RHOBTB2: variants seen among roughly 807,000 people sequenced by gnomAD.
The protein encoded by RHOBTB2 is rho-related BTB domain-containing protein 2.
In RHOBTB2, 39 loss-of-function variants were observed where a neutral mutation model predicts 66.5. That is an observed-to-expected ratio of 0.59 (90% CI 0.45 to 0.77). The LOEUF (loss-of-function observed/expected upper bound fraction) is 0.77, where lower values mean the gene tolerates loss of function less well. RHOBTB2 is among the 30% of genes least tolerant of loss of function. RHOBTB2 has a pLI of 0.00. For missense variants in RHOBTB2, 755 were observed against 999.1 expected (o/e 0.76, Z 3.29); for synonymous variants, 390 against 395.0 (o/e 0.99, Z 0.15).
chr8:22,951,221 C>A, the RHOBTB2 span, among the ~76,000 whole-genome samples: 1 of 150,664 alleles, frequency 6.6e-6, no homozygotes, highest in African/African-American at 2.4e-5. Flanking sequence ...TCCTTTTCCC[C>A]GTTTCCCACT....
chr8:22,959,327 A>G, the RHOBTB2 span, among the ~76,000 whole-genome samples: 1 of 152,056 alleles, frequency 6.6e-6, no homozygotes, highest in Non-Finnish European at 1.5e-5. Context: ...GCTTACTGCA[A>G]CCTCTGCCTC....
At chr8:22,994,292 T>C (rs1195341318) in intron 2 of RHOBTB2, among the ~76,000 whole-genome samples, 1 of 152,188 alleles carries the variant, frequency 6.6e-6, no homozygotes, top group East Asian at 1.9e-4. Context: ...ACCAGCTCAG[T>C]ATCCACAAAT....
chr8:22,957,891 C>A, the RHOBTB2 span, among the ~76,000 whole-genome samples: 1 of 152,088 alleles, frequency 6.6e-6, no homozygotes, highest in African/African-American at 2.4e-5. Flanking sequence ...GGTGATTACC[C>A]TTATCTTGTC....
the RHOBTB2 span, among the ~76,000 whole-genome samples, chr8:22,977,252 A>C: frequency 6.6e-6 from 1 of 152,214 alleles, no homozygotes; most frequent in East Asian, 1.9e-4. Context: ...CTCAGCACCC[A>C]GCACTTTCCT....
chr8:22,971,720 G>C, the RHOBTB2 span, among the ~76,000 whole-genome samples: 1 of 152,060 alleles, frequency 6.6e-6, no homozygotes, highest in Admixed American at 6.6e-5. Context: ...GGCCTTTCTG[G>C]TTTTCCTTCC....
rs574857781 is a variant in RHOBTB2 at position 23,006,752 on chromosome 8, G to C, written c.507G>C (p.Leu169=). Residue 169 remains leucine (L), a synonymous_variant, in exon 5 of 10, where the codon CTG becomes CTC. Coordinates refer to ENST00000251822, the MANE Select transcript of RHOBTB2 (RefSeq NM_015178.3). The surrounding 1 kb of genome is among the most constrained non-coding windows in gnomAD (Gnocchi z 6.1). ...GGCCCATCAAACCTAATGAAATCCT[G>C]CCCCCAGAGAAGGGTCGGGAGGTGG... ...LARPIKPNEI[L]PPEKGREVAK... 1.2e-6 allele frequency: 2 copies of C among 1,612,694 alleles called. No homozygotes were observed. Among genetic ancestry groups the C allele is most frequent in the African/African-American group, 2.7e-5 (2 of 74,964 alleles).
intron 1 of RHOBTB2, among the ~76,000 whole-genome samples, chr8:22,988,819 G>A (rs1362300104): frequency 1.3e-5 from 2 of 152,120 alleles, no homozygotes; most frequent in Non-Finnish European, 2.9e-5. Context: ...AGATGCTAGC[G>A]AGGCTATGAT....
intron 8 of RHOBTB2, among the ~76,000 whole-genome samples, chr8:23,015,254 C>T (rs1290307061): frequency 6.6e-6 from 1 of 152,190 alleles, no homozygotes; most frequent in Non-Finnish European, 1.5e-5. Context: ...GGGAAGGCAG[C>T]TCCCTTAGCT....
the RHOBTB2 span, chr8:22,978,170 T>C: frequency 1.3e-5 from 2 of 151,750 alleles, no homozygotes; most frequent in Non-Finnish European, 2.9e-5. Context: ...TTAAAATAAT[T>C]GTGTTAAAAT....
At chr8:22,971,062 C>T in the RHOBTB2 span, among the ~76,000 whole-genome samples, 2 of 152,166 alleles carry the variant, frequency 1.3e-5, no homozygotes, top group African/African-American at 4.8e-5. Context: ...CTCCATCTTC[C>T]TCCCAACATG....
upstream of RHOBTB2, chr8:22,995,778 C>A: frequency 6.9e-7 from 1 of 1,439,678 alleles, no homozygotes; most frequent in African/African-American, 1.4e-5. Context: ...CGTGCCCCAG[C>A]CTGCACATGG....
intron 3 of RHOBTB2, 38 bp downstream of exon 3, chr8:23,005,513 G>A: frequency 7.3e-7 from 1 of 1,367,932 alleles, no homozygotes; most frequent in South Asian, 1.2e-5. Flanking sequence ...AGAACCAACA[G>A]GGTGGGTTTT....
Position 23,006,216 on chromosome 8 carries a change from G to C in RHOBTB2, c.482+71G>C. 1.5e-6 allele frequency: 2 copies of C among 1,362,246 alleles called. No homozygotes were observed. Among genetic ancestry groups the C allele is most frequent in the Non-Finnish European group, 2.0e-6 (2 of 985,384 alleles). The allele number at this position is 1,362,246 out of a possible 1,614,324, so 84.4% of individuals were successfully genotyped here. A position where few individuals can be genotyped will look rare whatever the true frequency, so the allele number is the denominator to read the frequency against. ...ACCATGGCTCCCTGCTCAGCCCTGG[G>C]GGAATTCCACTGAGCCTCATATCTC... On this transcript the variant is annotated intron_variant, in intron 4 of 9. Coordinates refer to ENST00000251822, the MANE Select transcript of RHOBTB2 (RefSeq NM_015178.3). This position sits in a 1 kb window ranked among gnomAD's most constrained non-coding sequence, Gnocchi z 6.1.
the RHOBTB2 span, among the ~76,000 whole-genome samples, chr8:22,966,707 C>A: frequency 6.6e-6 from 1 of 151,982 alleles, no homozygotes; most frequent in Admixed American, 6.6e-5. Context: ...ATGAAAATTA[C>A]AATGAGATAT....
chr8:22,974,146 G>A, the RHOBTB2 span, among the ~76,000 whole-genome samples: 27 of 152,264 alleles, frequency 1.8e-4, no homozygotes, highest in East Asian at 1.9e-3. Flanking sequence ...GCTGATTCCC[G>A]GGTCTAGGGT....
At chr8:22,972,113 C>T in the RHOBTB2 span, among the ~76,000 whole-genome samples, 14 of 152,322 alleles carry the variant, frequency 9.2e-5, no homozygotes, top group East Asian at 2.3e-3. Context: ...GCGTCAGTCA[C>T]GATGCCCTCT....
chr8:23,011,431 C>G (rs1004115303), intron 7 of RHOBTB2, among the ~76,000 whole-genome samples: 1 of 152,108 alleles, frequency 6.6e-6, no homozygotes, highest in Non-Finnish European at 1.5e-5. Context: ...TTCTTCTTCC[C>G]CTACCTTTGA....
rs1012570576 is a variant in RHOBTB2 at position 23,007,975 on chromosome 8, G to C, written c.1502-18G>C. 12 of 1,606,332 alleles carry C rather than the reference G, an allele frequency of 7.5e-6. No homozygotes were observed. The highest frequency in any genetic ancestry group is 9.4e-6 in the Non-Finnish European group (11 of 1,173,222). On this transcript the variant is annotated intron_variant, in intron 5 of 9. Coordinates refer to ENST00000251822, the MANE Select transcript of RHOBTB2 (RefSeq NM_015178.3). ...CAGCTTCTTTCACCAGTCCTCCTGT[G>C]ATGCTTCTTCTGGACAGATGTGACC... is the stretch of plus-strand genomic sequence containing the variant.
chr8:22,964,225 C>T, the RHOBTB2 span, among the ~76,000 whole-genome samples: 39 of 152,244 alleles, frequency 2.6e-4, no homozygotes, highest in Non-Finnish European at 4.4e-4. Context: ...CCAGGTTCCT[C>T]CCACAACACG....
Sources: gnomAD v4.1 joint callset for allele counts (sites outside exome capture counted in the v4.1 genomes callset) on GRCh38, gnomAD v4.1.1 for gene constraint, Gnocchi (gnomAD v3.1) non-coding constraint, MANE v1.5 for transcripts, NCBI Gene and HGNC (gene_info 2026-07-23, HGNC 2026-07-21) for gene names.